NPAS3: variants seen among roughly 807,000 people sequenced by gnomAD.
NPAS3 encodes neuronal PAS domain protein 3, also known as neuronal PAS domain-containing protein 3.
In NPAS3, 14 loss-of-function variants were observed where a neutral mutation model predicts 73.1. The ratio of observed to expected loss-of-function variants is 0.19; its 90% CI spans 0.13 to 0.30. The LOEUF (loss-of-function observed/expected upper bound fraction) is 0.30, where lower values mean the gene tolerates loss of function less well. Among genes scored for constraint, NPAS3 ranks in the 10% least tolerant of loss-of-function variants. The pLI, the probability that NPAS3 is intolerant of heterozygous loss-of-function variation, is 1.00. For missense variants in NPAS3, 1,096 were observed against 1,250.0 expected (o/e 0.88, Z 1.86); for synonymous variants, 620 against 541.5 (o/e 1.14, Z -2.01).
intron 1 of NPAS3, among the ~76,000 whole-genome samples, chr14:32,973,533 A>ATTTTTTTT (rs71432099): frequency 7.8e-6 from 1 of 128,922 alleles, no homozygotes. Flanking sequence ...GTATATTTTG[A>ATTTTTTTT]TTTTTTTTTT....
At chr14:33,490,219 T>C (rs1158090969) in intron 4 of NPAS3, among the ~76,000 whole-genome samples, 3 of 152,274 alleles carry the variant, frequency 2.0e-5, no homozygotes, top group Non-Finnish European at 4.4e-5. Context: ...TAGGGAGACA[T>C]GGTGCCTATA....
intron 2 of NPAS3, among the ~76,000 whole-genome samples, chr14:33,155,466 C>T (rs974630621): frequency 6.6e-6 from 1 of 152,184 alleles, no homozygotes; most frequent in African/African-American, 2.4e-5. Context: ...TCATAGTTCA[C>T]TGCAGCTTCG....
At chr14:33,701,744 A>G (rs1373076796) in intron 6 of NPAS3, among the ~76,000 whole-genome samples, 3 of 152,168 alleles carry the variant, frequency 2.0e-5, no homozygotes, top group Admixed American at 2.0e-4. Context: ...TCATTTATCC[A>G]TTTAACAACT....
rs1555371843 is a variant in NPAS3, at chr14:33,308,527, T to TACACACACACACACACACACAC, written c.386-58656_386-58655insCACACACACACACACACACACA. ...TGCATAGTTTATATATATATATATA[T>TACACACACACACACACACACAC]ACATACACACACACACACACACACA... On this transcript the variant is annotated intron_variant, in intron 3 of 11. Coordinates refer to ENST00000356141, the Ensembl canonical transcript of NPAS3. Among the ~76,000 whole-genome samples the TACACACACACACACACACACAC allele has an allele frequency of 8.9e-4, 92 of 103,708 alleles. No homozygotes were observed. The East Asian group carries it at 9.1e-3, about 10-fold the overall frequency. The allele number at this position is 103,708 out of a possible 152,430, so 68.0% of individuals were successfully genotyped here.
intron 2 of NPAS3, among the ~76,000 whole-genome samples, chr14:33,213,340 T>G (rs1314653118): frequency 6.6e-6 from 1 of 152,208 alleles, no homozygotes; most frequent in East Asian, 1.9e-4. Flanking sequence ...CCTTCCCCTA[T>G]GTAAAAGTGT....
At chr14:33,175,781 A>G (rs961589916) in intron 2 of NPAS3, among the ~76,000 whole-genome samples, 1 of 152,168 alleles carries the variant, frequency 6.6e-6, no homozygotes, top group Admixed American at 6.5e-5. Context: ...TAAAAAAATC[A>G]TTAGCAACAA....
chr14:33,385,845 C>G (rs908012316), intron 4 of NPAS3, among the ~76,000 whole-genome samples: 1 of 152,192 alleles, frequency 6.6e-6, no homozygotes, highest in Non-Finnish European at 1.5e-5. Flanking sequence ...GACAGAGGCA[C>G]AGCTAGATGT....
At chr14:33,298,190 G>A (rs560611357) in intron 3 of NPAS3, among the ~76,000 whole-genome samples, 9 of 152,162 alleles carry the variant, frequency 5.9e-5, no homozygotes, top group Non-Finnish European at 8.8e-5. Context: ...GGCTGAGACA[G>A]GAGAATGGCT....
intron 1 of NPAS3, among the ~76,000 whole-genome samples, chr14:32,955,136 C>T: frequency 6.6e-6 from 1 of 152,118 alleles, no homozygotes. Flanking sequence ...TTCTGGTCAA[C>T]TCAGATTCAA....
At chr14:33,193,451 C>T (rs958615990) in intron 2 of NPAS3, among the ~76,000 whole-genome samples, 5 of 152,278 alleles carry the variant, frequency 3.3e-5, no homozygotes, top group Admixed American at 3.3e-4. Flanking sequence ...AGTATCTACA[C>T]TTTTCATTTG....
chr14:33,165,234 C>G (rs777052610), intron 2 of NPAS3, among the ~76,000 whole-genome samples: 8 of 151,750 alleles, frequency 5.3e-5, no homozygotes, highest in Non-Finnish European at 1.0e-4. Flanking sequence ...CACAAACAAC[C>G]TTTCGATGTA....
At chr14:32,969,302 T>A (rs7154544) in intron 1 of NPAS3, among the ~76,000 whole-genome samples, 106,610 of 151,916 alleles carry the variant, frequency 0.7, 38,035 homozygotes, top group East Asian at 0.81. Flanking sequence ...CCACATTCTG[T>A]TGGACTTAGA....
At chr14:33,111,209 C>A (rs1344705421) in intron 2 of NPAS3, among the ~76,000 whole-genome samples, 1 of 152,220 alleles carries the variant, frequency 6.6e-6, no homozygotes, top group East Asian at 1.9e-4. Context: ...CAAGGCCCTT[C>A]TTCCTGTTAG....
chr14:33,638,970 T>G (rs1426695819), intron 5 of NPAS3, among the ~76,000 whole-genome samples: 1 of 152,238 alleles, frequency 6.6e-6, no homozygotes, highest in African/African-American at 2.4e-5. Flanking sequence ...GTTATTTGAC[T>G]TAGAAAGGCA....
intron 7 of NPAS3, among the ~76,000 whole-genome samples, chr14:33,765,390 C>T (rs1040121070): frequency 2.0e-5 from 3 of 151,664 alleles, no homozygotes; most frequent in South Asian, 2.1e-4. Flanking sequence ...TCAGAATCCC[C>T]GGAATTAATC....
intron 6 of NPAS3, among the ~76,000 whole-genome samples, chr14:33,679,166 C>T (rs753176465): frequency 2.6e-5 from 4 of 152,204 alleles, no homozygotes; most frequent in African/African-American, 7.2e-5. Flanking sequence ...CAGCTACACT[C>T]GCATAAGAAG....
At chr14:33,040,498 G>C (rs2040316010) in intron 1 of NPAS3, among the ~76,000 whole-genome samples, 1 of 152,110 alleles carries the variant, frequency 6.6e-6, no homozygotes, top group Non-Finnish European at 1.5e-5. Context: ...TAGCACTATT[G>C]AAAATGGACT....
At chr14:33,513,214 T>A (rs2053141928) in intron 4 of NPAS3, among the ~76,000 whole-genome samples, 1 of 151,930 alleles carries the variant, frequency 6.6e-6, no homozygotes, top group Non-Finnish European at 1.5e-5. Flanking sequence ...TGACAAAAAT[T>A]TTTTCATTCC....
At chr14:33,291,292 G>A (rs1239398405) in intron 3 of NPAS3, among the ~76,000 whole-genome samples, 12 of 152,080 alleles carry the variant, frequency 7.9e-5, no homozygotes, top group Admixed American at 5.9e-4. Context: ...CAGATAGGTG[G>A]CCGTGCCTAA....
Sources: gnomAD v4.1 joint callset for allele counts (sites outside exome capture counted in the v4.1 genomes callset) on GRCh38, gnomAD v4.1.1 for gene constraint, MANE v1.5 for transcripts, NCBI Gene and HGNC (gene_info 2026-07-23, HGNC 2026-07-21) for gene names.